DARS1: variants seen among roughly 807,000 people sequenced by gnomAD.
DARS1 encodes the protein aspartate--tRNA ligase, cytoplasmic.
DARS1 carries 51 observed loss-of-function variants against 68.8 expected under a neutral mutation model. The ratio of observed to expected loss-of-function variants is 0.74; its 90% CI spans 0.59 to 0.94. The LOEUF (loss-of-function observed/expected upper bound fraction) is 0.94, where lower values mean the gene tolerates loss of function less well. Among genes scored for constraint, DARS1 ranks in the 40% least tolerant of loss-of-function variants. The probability of loss-of-function intolerance (pLI) is 0.00; values close to 1 mark genes in which losing one functional copy is unlikely to be tolerated. For synonymous variants in DARS1, 203 were observed against 190.4 expected, an observed-to-expected ratio of 1.07 and a Z score of -0.55; for missense variants, 607 against 597.3, an observed-to-expected ratio of 1.02 and a Z score of -0.17.
intron 3 of DARS1, among the ~76,000 whole-genome samples, chr2:135,973,890 T>C (rs1339210865): frequency 1.3e-5 from 2 of 151,898 alleles, no homozygotes; most frequent in African/African-American, 2.4e-5. Context: ...ATAAAAATAA[T>C]TAAAAGAATA....
rs558601676 is a variant in DARS1 at position 135,934,006 on chromosome 2, T to C, written c.424-16A>G. On this transcript the variant is annotated splice_polypyrimidine_tract_variant and intron_variant, in intron 5 of 15. Transcript: ENST00000264161. ...TCACATAAATCTGTAAGTGAGAGAT[T>C]ACCAAAAATAGTAGAAAGCACACAA... 1 of 1,607,134 alleles carries C rather than the reference T, an allele frequency of 6.2e-7. No homozygotes were observed. The highest frequency in any genetic ancestry group is 1.3e-5 in the African/African-American group (1 of 74,934).
chr2:135,968,754 T>C (rs1425313319), intron 3 of DARS1, among the ~76,000 whole-genome samples: 1 of 149,972 alleles, frequency 6.7e-6, no homozygotes, highest in African/African-American at 2.5e-5. Context: ...CTCCGCCTCC[T>C]GGGTTCAAGT....
chr2:135,959,285 T>C (rs1682045472), intron 4 of DARS1, among the ~76,000 whole-genome samples: 2 of 150,054 alleles, frequency 1.3e-5, no homozygotes, highest in Admixed American at 1.3e-4. Context: ...TCCCAGCTAC[T>C]GGGGAGGCTG....
intron 3 of DARS1, among the ~76,000 whole-genome samples, chr2:135,967,308 A>G (rs1297395676): frequency 1.3e-5 from 2 of 152,208 alleles, no homozygotes; most frequent in African/African-American, 2.4e-5. Flanking sequence ...ATGTTCCTGC[A>G]TAGATTTAAG....
chr2:135,947,363 G>A lies in DARS1; in HGVS notation c.321-3883C>T, dbSNP rs1420345644. ...ACAGAGGTTACAGTGAGCAGAGATC[G>A]TGCCACTGCACTCCTGCCTGGGTGA... On this transcript the variant is annotated intron_variant, in intron 4 of 15. Transcript: ENST00000264161. 2.0e-5 allele frequency among the ~76,000 whole-genome samples: 3 copies of A among 150,292 alleles called. No individual in the cohort carries two copies. In the South Asian group the frequency reaches 6.3e-4, roughly 31 times the overall value.
chr2:135,982,598 A>C (rs78083497), intron 2 of DARS1, among the ~76,000 whole-genome samples: 23 of 140,072 alleles, frequency 1.6e-4, no homozygotes, highest in East Asian at 4.1e-4. Context: ...TCTGTCTCCC[A>C]AAAAAAAAAA....
chr2:135,937,671 T>C (rs944827101), intron 5 of DARS1, among the ~76,000 whole-genome samples: 1 of 152,220 alleles, frequency 6.6e-6, no homozygotes, highest in African/African-American at 2.4e-5. Context: ...CAGGAGCTCT[T>C]ATAAGGCAGG....
intron 3 of DARS1, among the ~76,000 whole-genome samples, chr2:135,973,740 T>C (rs921930711): frequency 3.3e-5 from 5 of 151,928 alleles, no homozygotes; most frequent in African/African-American, 1.2e-4. Flanking sequence ...CGTGGTGACA[T>C]GTGCCTGTAG....
intron 9 of DARS1, among the ~76,000 whole-genome samples, chr2:135,922,098 T>C (rs1681119378): frequency 6.6e-6 from 1 of 152,174 alleles, no homozygotes; most frequent in Non-Finnish European, 1.5e-5. Context: ...GCTTGACTTT[T>C]AGCAAACATT....
chr2:135,912,536 AT>A lies in DARS1; in HGVS notation c.1179del (p.Lys393AsnfsTer6). On this transcript the variant is annotated frameshift_variant, in exon 13 of 16. Transcript: ENST00000264161. LOFTEE classifies it high-confidence loss of function. ...TAGAAAGGTCTTACAGCCAATGGAT[AT>A]TTATCAAGAATATAAAAATCTGTAT... The part of the protein sequence containing the change: ...KYDTDFYILD[K>X]YPLAVRPFYT... The A allele has an allele frequency of 9.6e-7, 1 of 1,038,460 alleles. No individual in the cohort carries two copies. The highest frequency in any genetic ancestry group is 1.5e-6 in the Non-Finnish European group (1 of 669,522). 64.3% of individuals were successfully genotyped at this position (1,038,460 alleles called of 1,614,324 possible).
intron 3 of DARS1, among the ~76,000 whole-genome samples, chr2:135,965,818 A>G (rs2104837859): frequency 6.6e-6 from 1 of 152,360 alleles, no homozygotes; most frequent in Admixed American, 6.5e-5. Context: ...TTTAAAATAC[A>G]AGAACCTTGA....
At chr2:135,985,073 G>A in intron 1 of DARS1, 1 of 384,928 alleles carries the variant, frequency 2.6e-6, no homozygotes, top group Non-Finnish European at 4.8e-6. Context: ...CAGGGATTGT[G>A]CATTACGTGC....
At chr2:135,959,100 G>C (rs1682041152) in intron 4 of DARS1, among the ~76,000 whole-genome samples, 1 of 151,918 alleles carries the variant, frequency 6.6e-6, no homozygotes, top group South Asian at 2.1e-4. Flanking sequence ...CTAAAAGAAA[G>C]ATCACCCATG....
At chr2:135,909,261 C>G (rs2104790986) in intron 15 of DARS1, among the ~76,000 whole-genome samples, 1 of 152,162 alleles carries the variant, frequency 6.6e-6, no homozygotes, top group Middle Eastern at 3.4e-3. Flanking sequence ...ACCTGCACAT[C>G]CTGCACATGT....
In DARS1 at chr2:135,911,165, G is replaced by T; in HGVS notation, c.1388C>A (p.Ala463Asp). ...AATGCCTCCACCAGCATGAGGAGGG[G>T]CTCCAAAGCGGAAGGAATCAATGTA... ...KAYIDSFRFG[A>D]PPHAGGGIGL... The change falls in exon 15 of 16, where the codon GCC becomes GAC. Residue 463 changes from alanine to aspartate, a missense_variant. Ala to Asp is a moderately radical substitution (Grantham distance 126). Coordinates refer to ENST00000264161, the MANE Select transcript of DARS1 (RefSeq NM_001349.4). 6.5e-7 allele frequency: 1 copy of T among 1,535,538 alleles called. No individual in the cohort carries two copies. The highest frequency in any genetic ancestry group is 9.0e-7 in the Non-Finnish European group (1 of 1,108,832).
At position 135,985,266 on chromosome 2, in the gene DARS1, C is replaced by G. The variant is rs993107128; in HGVS notation, c.66+137G>C. ...CCACTGCTGGGGCAAGGGCTCTAGGCGCCCGGACCCCACGCCCGCAGCCTG... is the reference window on the plus strand; with the variant it reads ...CCACTGCTGGGGCAAGGGCTCTAGGGGCCCGGACCCCACGCCCGCAGCCTG... On this transcript the variant is annotated intron_variant, in intron 1 of 15. Transcript: ENST00000264161. 2.2e-6 allele frequency: 3 copies of G among 1,385,442 alleles called. No individual in the cohort carries two copies. The East Asian group carries it at 7.5e-5, about 35-fold the overall frequency. The allele number at this position is 1,385,442 out of a possible 1,614,324, so 85.8% of individuals were successfully genotyped here. A position where few individuals can be genotyped will look rare whatever the true frequency, so the allele number is the denominator to read the frequency against.
chr2:135,978,142 C>CAAAAAAAAAAAAAAAAAAAAAAAAA lies in DARS1; in HGVS notation c.217+1131_217+1132insTTTTTTTTTTTTTTTTTTTTTTTTT, dbSNP rs59505882. On this transcript the variant is annotated intron_variant, in intron 3 of 15. Coordinates refer to ENST00000264161, the MANE Select transcript of DARS1 (RefSeq NM_001349.4). ...TGGGTGACAGAGCAAGACTCTGTCTCAAAAAAAAAAAAAAAAAAAAAAAGA... is the reference window on the plus strand; with the variant it reads ...TGGGTGACAGAGCAAGACTCTGTCTCAAAAAAAAAAAAAAAAAAAAAAAAAAAAAAAAAAAAAAAAAAAAAAAAGA... 7.3e-5 allele frequency among the ~76,000 whole-genome samples: 4 copies of CAAAAAAAAAAAAAAAAAAAAAAAAA among 54,738 alleles called. 1 individual carries two copies. Among genetic ancestry groups the CAAAAAAAAAAAAAAAAAAAAAAAAA allele is most frequent in the East Asian group, 8.9e-4 (2 of 2,244 alleles). 35.9% of individuals were successfully genotyped at this position (54,738 alleles called of 152,430 possible).
At chr2:135,939,615 C>A (rs555285467) in intron 5 of DARS1, among the ~76,000 whole-genome samples, 54 of 152,206 alleles carry the variant, frequency 3.5e-4, no homozygotes, top group African/African-American at 1.3e-3. Flanking sequence ...GAAGCAAGAG[C>A]AAACACATTC....
chr2:135,927,729 AAATT>A (rs778055261), intron 7 of DARS1, among the ~76,000 whole-genome samples: 6 of 152,190 alleles, frequency 3.9e-5, no homozygotes, highest in Non-Finnish European at 5.9e-5. Flanking sequence ...ACACTTAAAA[AAATT>A]AATTTTAGAA....
Sources: allele counts gnomAD v4.1 joint callset (sites outside exome capture counted in the v4.1 genomes callset), GRCh38; gene constraint gnomAD v4.1.1; transcripts MANE v1.5; gene names NCBI Gene and HGNC (gene_info 2026-07-23, HGNC 2026-07-21).